Variants in NPHP4 observed in about 807,000 individuals in gnomAD.
NPHP4 encodes the protein nephrocystin 4.
NPHP4 carries 151 observed loss-of-function variants against 155.8 expected under a neutral mutation model. That is an observed-to-expected ratio of 0.97 (90% CI 0.85 to 1.11). The LOEUF is 1.11. Ranked by LOEUF, NPHP4 falls within the 50% of genes least tolerant of loss-of-function variation. The probability of loss-of-function intolerance (pLI) is 0.00; values close to 1 mark genes in which losing one functional copy is unlikely to be tolerated. For synonymous variants in NPHP4, 845 were observed against 816.8 expected (o/e 1.03, Z -0.59); for missense variants, 1,956 against 1,925.7 (o/e 1.02, Z -0.29).
rs909142289 is a variant in NPHP4, at chr1:5,905,964, G to A, written c.1612-181C>T. ...TAAACAACAAATGATTTTAGTATAAGTATGGTCCCTACGATATTTGGGATA... is the reference window on the plus strand; with the variant it reads ...TAAACAACAAATGATTTTAGTATAAATATGGTCCCTACGATATTTGGGATA... On this transcript the variant is annotated intron_variant, in intron 13 of 29. Coordinates refer to ENST00000378156, the MANE Select transcript of NPHP4 (RefSeq NM_015102.5). The surrounding 1 kb of genome is among the most constrained non-coding windows in gnomAD (Gnocchi z 4.0). Among the ~76,000 whole-genome samples the A allele has an allele frequency of 9.9e-5, 15 of 152,192 alleles. No individual in the cohort carries two copies. The highest frequency in any genetic ancestry group is 3.3e-4 in the Admixed American group (5 of 15,282).
intron 11 of NPHP4, among the ~76,000 whole-genome samples, chr1:5,921,508 T>A (rs890940184): frequency 6.6e-6 from 1 of 152,256 alleles, no homozygotes. Flanking sequence ...GACATCTGGA[T>A]TCCTCCAATA....
At chr1:5,898,404 C>T (rs572219948) in intron 16 of NPHP4, among the ~76,000 whole-genome samples, 9 of 152,356 alleles carry the variant, frequency 5.9e-5, no homozygotes, top group South Asian at 2.1e-4. Context: ...CACCCAAACA[C>T]GGAGAAAACC....
At chr1:5,942,287 T>C (rs1320672870) in intron 9 of NPHP4, among the ~76,000 whole-genome samples, 1 of 152,028 alleles carries the variant, frequency 6.6e-6, no homozygotes, top group Non-Finnish European at 1.5e-5. Flanking sequence ...ATCCCAGCAC[T>C]TTGGAAGGCC....
At chr1:5,982,140 T>G (rs1384998577) in intron 2 of NPHP4, among the ~76,000 whole-genome samples, 2 of 152,188 alleles carry the variant, frequency 1.3e-5, no homozygotes, top group Non-Finnish European at 2.9e-5. Context: ...TTTATCAATC[T>G]TTTCAGAGAA....
In NPHP4 at chr1:5,875,041, C is replaced by A; in HGVS notation, c.2877G>T (p.Arg959=). The change falls in exon 21 of 30, where the codon CGG becomes CGT. Residue 959 remains arginine, a synonymous_variant. Coordinates refer to ENST00000378156, the MANE Select transcript of NPHP4 (RefSeq NM_015102.5). ...CGATGCTCTCGGCCTTCGTGCGTTC[C>A]CGGTAGGCGGCGATGACCTGTAGGT... ...LRDLQVIAAY[R]ERTKAESIAS... is the part of the protein sequence containing the mutation. 1.9e-6 allele frequency: 3 copies of A among 1,609,250 alleles called. No individual in the cohort carries two copies. Among genetic ancestry groups the A allele is most frequent in the Non-Finnish European group, 1.7e-6 (2 of 1,179,832 alleles).
intron 1 of NPHP4, among the ~76,000 whole-genome samples, chr1:5,988,574 G>A (rs1655810817): frequency 6.6e-6 from 1 of 152,120 alleles, no homozygotes; most frequent in Non-Finnish European, 1.5e-5. Flanking sequence ...GTAAACATTG[G>A]TAGATATAAC....
chr1:5,863,482 C>A lies in NPHP4; in HGVS notation c.4141-77G>T. ...CTCACCAGCAACCTCTCTGCATGGTCGTGTTTATTTCCAAGGGGAGCTGAC... is the reference window on the plus strand; with the variant it reads ...CTCACCAGCAACCTCTCTGCATGGTAGTGTTTATTTCCAAGGGGAGCTGAC... On this transcript the variant is annotated intron_variant, in intron 29 of 29. Transcript: ENST00000378156. 3 of 1,537,390 alleles carry A rather than the reference C, an allele frequency of 2.0e-6. No individual in the cohort carries two copies. In the South Asian group the frequency reaches 3.6e-5, roughly 18 times the overall value.
At chr1:5,986,031 C>G (rs1655428181) in intron 2 of NPHP4, 124 bp downstream of exon 2, 1 of 1,011,014 alleles carries the variant, frequency 9.9e-7, no homozygotes, top group Non-Finnish European at 1.5e-6. Context: ...TATATGGGTA[C>G]CACCATAAAG....
At chr1:5,942,807 C>T (rs1479894954) in intron 9 of NPHP4, among the ~76,000 whole-genome samples, 2 of 152,126 alleles carry the variant, frequency 1.3e-5, no homozygotes, top group African/African-American at 4.8e-5. Flanking sequence ...CAAATCTTCA[C>T]CCCTTAGAGA....
chr1:5,890,881 G>A lies in NPHP4; in HGVS notation c.2291C>T (p.Ala764Val). ...GDSLLLIGSAAVQMKHLLRQG... is the reference protein window; with the variant it reads ...GDSLLLIGSAVVQMKHLLRQG... ...GAGAGCCGCTACCTTCATCTGGACG[G>A]CAGCAGATCCGATGAGCAGCAGGGA... Residue 764 changes from alanine (A) to valine (V), a missense_variant, in exon 17 of 30, where the codon GCC (alanine) becomes GTC (valine). Coordinates refer to ENST00000378156, the MANE Select transcript of NPHP4 (RefSeq NM_015102.5). The surrounding 1 kb of genome is among the most constrained non-coding windows in gnomAD (Gnocchi z 4.9). 1 of 1,609,794 alleles carries A rather than the reference G, an allele frequency of 6.2e-7. No individual in the cohort carries two copies. The highest frequency in any genetic ancestry group is 8.5e-7 in the Non-Finnish European group (1 of 1,177,588).
chr1:5,992,053 C>G (rs1656454715), intron 1 of NPHP4, among the ~76,000 whole-genome samples, 191 bp downstream of exon 1: 1 of 152,052 alleles, frequency 6.6e-6, no homozygotes. Context: ...GCGACTAACG[C>G]GGGGACAGCC....
intron 2 of NPHP4, among the ~76,000 whole-genome samples, chr1:5,980,444 C>T (rs1488983650): frequency 2.6e-5 from 4 of 152,218 alleles, no homozygotes; most frequent in Non-Finnish European, 5.9e-5. Context: ...CCTCACGGCG[C>T]GAGGAGAAGC....
At chr1:5,986,054 A>G in intron 2 of NPHP4, 101 bp downstream of exon 2, 1 of 1,384,534 alleles carries the variant, frequency 7.2e-7, no homozygotes, top group Non-Finnish European at 1.0e-6. Flanking sequence ...GCAAAATCAA[A>G]AATCAAAGCA....
intron 2 of NPHP4, among the ~76,000 whole-genome samples, chr1:5,984,536 A>G (rs1171944115): frequency 6.6e-6 from 1 of 152,054 alleles, no homozygotes; most frequent in Non-Finnish European, 1.5e-5. Flanking sequence ...CTTCATCTCA[A>G]AAAAAAAGAA....
At chr1:5,919,472 T>A (rs1008091486) in intron 11 of NPHP4, among the ~76,000 whole-genome samples, 13 of 152,318 alleles carry the variant, frequency 8.5e-5, no homozygotes, top group East Asian at 3.9e-4. Context: ...GTTTATTGTC[T>A]GTTTTTAAAG....
Position 5,879,775 on chromosome 1 carries a change from G to GCACACACACACACACACA in NPHP4, c.2611+338_2611+339insTGTGTGTGTGTGTGTGTG, listed in dbSNP as rs34688152. 84 of 328,500 alleles carry GCACACACACACACACACA rather than the reference G, an allele frequency of 2.6e-4. 1 individual carries two copies. The highest frequency in any genetic ancestry group is 1.0e-3 in the Middle Eastern group (1 of 976). 20.3% of individuals were successfully genotyped at this position (328,500 alleles called of 1,614,324 possible). ...GGGCATTAACAGCACCACGAATGGT[G>GCACACACACACACACACA]CGCACACACACACACACACGCAAAC... On this transcript the variant is annotated intron_variant, in intron 19 of 29. Coordinates refer to ENST00000378156, the MANE Select transcript of NPHP4 (RefSeq NM_015102.5).
intron 9 of NPHP4, among the ~76,000 whole-genome samples, chr1:5,935,375 G>C (rs551761609): frequency 1.4e-4 from 21 of 152,238 alleles, no homozygotes; most frequent in African/African-American, 4.3e-4. Context: ...AATTCAATGA[G>C]AAAACACCCA....
At chr1:5,951,411 ACT>A (rs1470341915) in intron 7 of NPHP4, among the ~76,000 whole-genome samples, 1 of 152,102 alleles carries the variant, frequency 6.6e-6, no homozygotes, top group East Asian at 1.9e-4. Flanking sequence ...GAAAGTGAAG[ACT>A]CTCTCATTCT....
intron 9 of NPHP4, among the ~76,000 whole-genome samples, chr1:5,941,809 G>A (rs915059402): frequency 2.6e-5 from 4 of 152,174 alleles, no homozygotes; most frequent in African/African-American, 7.2e-5. Flanking sequence ...CCAGACCCAT[G>A]TGCGCTTGAT....
Sources: gnomAD v4.1 joint callset for allele counts (sites outside exome capture counted in the v4.1 genomes callset) on GRCh38, gnomAD v4.1.1 for gene constraint, Gnocchi (gnomAD v3.1) non-coding constraint, MANE v1.5 for transcripts, NCBI Gene and HGNC (gene_info 2026-07-23, HGNC 2026-07-21) for gene names.